The following CCDC172 variants were observed in gnomAD, a reference collection of about 807,000 sequenced individuals.
The protein encoded by CCDC172 is coiled-coil domain containing 172, also known as coiled-coil domain-containing protein 172.
A neutral mutation model predicts 38.0 loss-of-function variants in CCDC172; 30 were observed. That is an observed-to-expected ratio of 0.79 (90% CI 0.59 to 1.07). The LOEUF is 1.07. CCDC172 is among the 50% of genes least tolerant of loss of function. The probability of loss-of-function intolerance (pLI) is 0.00; values close to 1 mark genes in which losing one functional copy is unlikely to be tolerated. For synonymous variants in CCDC172, 78 were observed against 88.3 expected (o/e 0.88, Z 0.66); for missense variants, 297 against 290.1 (o/e 1.02, Z -0.17).
chr10:116,347,712 C>G (rs982355065), intron 5 of CCDC172, among the ~76,000 whole-genome samples: 1 of 151,988 alleles, frequency 6.6e-6, no homozygotes, highest in Non-Finnish European at 1.5e-5. Context: ...TAACAGTGTT[C>G]TAAAAGTATC....
chr10:116,351,495 G>A (rs909065197), intron 5 of CCDC172, among the ~76,000 whole-genome samples: 1 of 152,152 alleles, frequency 6.6e-6, no homozygotes, highest in African/African-American at 2.4e-5. Flanking sequence ...ACCAGGCACT[G>A]TTCAGAAATT....
chr10:116,354,492 G>A (rs990945105), intron 5 of CCDC172, among the ~76,000 whole-genome samples: 55 of 152,180 alleles, frequency 3.6e-4, no homozygotes, highest in African/African-American at 1.3e-3. Flanking sequence ...GGGAGGCTGA[G>A]GCAGGCAGAT....
chr10:116,366,205 A>G (rs7080298), intron 7 of CCDC172, among the ~76,000 whole-genome samples: 34,576 of 152,038 alleles, frequency 0.23, 5,718 homozygotes, highest in African/African-American at 0.43. Flanking sequence ...AGCTAAAAAT[A>G]ATCATCCATG....
intron 5 of CCDC172, among the ~76,000 whole-genome samples, chr10:116,348,348 A>G (rs961343031): frequency 6.6e-6 from 1 of 151,952 alleles, no homozygotes; most frequent in African/African-American, 2.4e-5. Flanking sequence ...ATTTTCTGGC[A>G]TTTGACTTTT....
intron 7 of CCDC172, among the ~76,000 whole-genome samples, chr10:116,377,918 C>T (rs12242597): frequency 0.12 from 18,458 of 152,102 alleles, 1,785 homozygotes; most frequent in African/African-American, 0.26. Flanking sequence ...TGGTGGCTAA[C>T]ACCTGTAATC....
At position 116,335,934 on chromosome 10, in the gene CCDC172, A is replaced by AG. The variant is rs1217405287; in HGVS notation, c.166-4794dup. 4.6e-5 allele frequency among the ~76,000 whole-genome samples: 7 copies of AG among 152,142 alleles called. No homozygotes were observed. In the East Asian group the frequency reaches 1.2e-3, roughly 25 times the overall value. Reference sequence around the variant, plus strand: ...GTATTCCCAGCACTTTGAGAGGCCAAGGGGGGTGGATCATCTGAGGTCAGG... The same window carrying AG: ...GTATTCCCAGCACTTTGAGAGGCCAAGGGGGGGTGGATCATCTGAGGTCAGG... On this transcript the variant is annotated intron_variant, in intron 3 of 8. Transcript: ENST00000333254.
chr10:116,363,469 A>G (rs1845087810), intron 7 of CCDC172, among the ~76,000 whole-genome samples: 1 of 152,182 alleles, frequency 6.6e-6, no homozygotes, highest in Non-Finnish European at 1.5e-5. Context: ...AAATAGAATA[A>G]TTTTGTGCTT....
intron 3 of CCDC172, among the ~76,000 whole-genome samples, chr10:116,328,591 T>C (rs889019636): frequency 2.6e-5 from 4 of 152,160 alleles, no homozygotes; most frequent in African/African-American, 9.6e-5. Context: ...AATCTGAGGC[T>C]ATTTTGTGAA....
intron 3 of CCDC172, among the ~76,000 whole-genome samples, chr10:116,327,829 A>G (rs577167273): frequency 6.6e-6 from 1 of 152,248 alleles, no homozygotes; most frequent in South Asian, 2.1e-4. Context: ...TATAATGCAT[A>G]TGACTAATGG....
intron 7 of CCDC172, among the ~76,000 whole-genome samples, chr10:116,361,133 C>G (rs894060924): frequency 2.0e-5 from 3 of 150,980 alleles, no homozygotes; most frequent in African/African-American, 7.3e-5. Context: ...TACAGGCATG[C>G]ACCGCCACGC....
At chr10:116,360,162 A>T (rs983032962) in intron 7 of CCDC172, among the ~76,000 whole-genome samples, 3 of 152,244 alleles carry the variant, frequency 2.0e-5, no homozygotes, top group Non-Finnish European at 2.9e-5. Context: ...CACTTAAACC[A>T]TAGGTTAGGT....
At chr10:116,377,382 T>C (rs933670466) in intron 7 of CCDC172, among the ~76,000 whole-genome samples, 5 of 152,154 alleles carry the variant, frequency 3.3e-5, no homozygotes, top group Non-Finnish European at 5.9e-5. Context: ...AACTCTATTT[T>C]GGTTTGATCA....
At chr10:116,331,065 G>A (rs909661213) in intron 3 of CCDC172, among the ~76,000 whole-genome samples, 24 of 152,080 alleles carry the variant, frequency 1.6e-4, no homozygotes, top group Admixed American at 1.4e-3. Flanking sequence ...TAAGCCAGAT[G>A]TTAATGAGAT....
intron 3 of CCDC172, among the ~76,000 whole-genome samples, chr10:116,329,107 C>T (rs140333302): frequency 3.4e-4 from 52 of 152,254 alleles, no homozygotes; most frequent in African/African-American, 1.2e-3. Context: ...ATAAACCTAA[C>T]TGTAAACTCA....
intron 5 of CCDC172, among the ~76,000 whole-genome samples, chr10:116,346,678 C>T (rs1025053055): frequency 1.1e-4 from 17 of 151,058 alleles, no homozygotes; most frequent in Non-Finnish European, 2.2e-4. Context: ...TCCCTGATAT[C>T]ACAGATGCTA....
intron 3 of CCDC172, among the ~76,000 whole-genome samples, chr10:116,334,655 A>G (rs921626529): frequency 1.3e-5 from 2 of 152,174 alleles, no homozygotes; most frequent in East Asian, 3.9e-4. Flanking sequence ...TTAATAAATT[A>G]CTGTTTCTAT....
intron 3 of CCDC172, among the ~76,000 whole-genome samples, chr10:116,340,439 G>A (rs1301872475): frequency 6.6e-6 from 1 of 151,772 alleles, no homozygotes; most frequent in Non-Finnish European, 1.5e-5. Context: ...AAAAGCGTTA[G>A]TACCTAGCTA....
chr10:116,338,985 T>C (rs1350269516), intron 3 of CCDC172, among the ~76,000 whole-genome samples: 1 of 152,030 alleles, frequency 6.6e-6, no homozygotes, highest in African/African-American at 2.4e-5. Context: ...CATTATTTGG[T>C]CTCTAAAGCA....
At chr10:116,379,018 T>G (rs2133083488) in intron 8 of CCDC172, among the ~76,000 whole-genome samples, 1 of 152,256 alleles carries the variant, frequency 6.6e-6, no homozygotes, top group South Asian at 2.1e-4. Flanking sequence ...ACCTCTTACT[T>G]TGGTTGTTTA....
Sources: allele counts gnomAD v4.1 joint callset (sites outside exome capture counted in the v4.1 genomes callset), GRCh38; gene constraint gnomAD v4.1.1; transcripts MANE v1.5; gene names NCBI Gene and HGNC (gene_info 2026-07-23, HGNC 2026-07-21).